Variants in CMYA5 observed in about 807,000 individuals in gnomAD.
The protein encoded by CMYA5 is cardiomyopathy associated 5.
CMYA5 carries 246 observed loss-of-function variants against 318.9 expected under a neutral mutation model. The observed-to-expected ratio is 0.77, with a 90% CI of 0.70 to 0.86. CMYA5 has a LOEUF of 0.86. Ranked by LOEUF, CMYA5 falls within the 40% of genes least tolerant of loss-of-function variation. The pLI, the probability that CMYA5 is intolerant of heterozygous loss-of-function variation, is 0.00. For missense variants in CMYA5, 4,589 were observed against 4,678.2 expected (o/e 0.98, Z 0.56); for synonymous variants, 1,641 against 1,729.5 (o/e 0.95, Z 1.27).
intron 1 of CMYA5, among the ~76,000 whole-genome samples, chr5:79,705,560 T>C (rs1010067896): frequency 2.6e-5 from 4 of 152,118 alleles, no homozygotes; most frequent in African/African-American, 9.7e-5. Context: ...TGAAAGAACT[T>C]TTATTTCCCA....
intron 9 of CMYA5, among the ~76,000 whole-genome samples, chr5:79,776,947 G>A (rs1423019007): frequency 6.6e-6 from 1 of 152,152 alleles, no homozygotes; most frequent in Non-Finnish European, 1.5e-5. Flanking sequence ...GTTGGACATG[G>A]TGGTACAGAG....
intron 2 of CMYA5, among the ~76,000 whole-genome samples, chr5:79,742,051 T>C (rs7733906): frequency 0.084 from 128 of 1,522 alleles, 1 homozygote; most frequent in East Asian, 0.26. Flanking sequence ...CTTTCTCCTC[T>C]TCTTCTTCTT....
Position 79,793,495 on chromosome 5 carries a change from A to G in CMYA5, c.11848A>G (p.Thr3950Ala). 1 of 1,613,930 alleles carries G rather than the reference A, an allele frequency of 6.2e-7. No individual in the cohort carries two copies. Among genetic ancestry groups the G allele is most frequent in the Non-Finnish European group, 8.5e-7 (1 of 1,179,844 alleles). The change falls in exon 12 of 13, where the codon ACA becomes GCA. Residue 3950 changes from threonine to alanine, a missense_variant. Thr to Ala is a moderately conservative substitution (Grantham distance 58). Around this residue, in one of 3 missense-constraint regions of CMYA5, gnomAD observed 2,431 missense variants for 2,495.1 expected, o/e 0.97. Transcript: ENST00000446378. ...CTGTGGCCAGCATTACTGGGAAACC[A>G]CAGTCACAGACTGCCCAGCATATCG... ...PSCGQHYWET[T>A]VTDCPAYRLG...
At chr5:79,790,438 T>G (rs1829155745) in intron 10 of CMYA5, among the ~76,000 whole-genome samples, 1 of 152,010 alleles carries the variant, frequency 6.6e-6, no homozygotes, top group Non-Finnish European at 1.5e-5. Context: ...CCTGGCTAAT[T>G]TTTTGTATTT....
At chr5:79,770,448 A>C (rs768082803) in intron 9 of CMYA5, among the ~76,000 whole-genome samples, 13 of 152,164 alleles carry the variant, frequency 8.5e-5, no homozygotes, top group Admixed American at 1.3e-4. Flanking sequence ...ACCCGAGAGA[A>C]TCTCCTGGTC....
In CMYA5 at chr5:79,753,602, C is replaced by CAAA. The variant is rs200633352; in HGVS notation, c.11110+810_11110+811insAAA. 7.1e-3 allele frequency among the ~76,000 whole-genome samples: 1,080 copies of CAAA among 151,966 alleles called. 12 individuals carry two copies. Among genetic ancestry groups the CAAA allele is most frequent in the African/African-American group, 0.023 (968 of 41,380 alleles). ...CCATGTCTAAAAACAACAACAACAA[C>CAAA]AACAAAAAACCCCAAAAAACAAAAA... On this transcript the variant is annotated intron_variant, in intron 6 of 12. Transcript: ENST00000446378.
In CMYA5 at chr5:79,776,246, G is replaced by A. The variant is rs561937883; in HGVS notation, c.11556-12725G>A. 3.9e-5 allele frequency among the ~76,000 whole-genome samples: 6 copies of A among 152,194 alleles called. No homozygotes were observed. In the East Asian group the frequency reaches 5.8e-4, roughly 15 times the overall value. On this transcript the variant is annotated intron_variant, in intron 9 of 12. Transcript: ENST00000446378. ...CACTATTATGAACTAAGAGTGAGAC[G>A]CTTACCATCGAGTCTCATAATATCA...
chr5:79,691,445 A>G (rs540843591), intron 1 of CMYA5, among the ~76,000 whole-genome samples: 49 of 152,356 alleles, frequency 3.2e-4, no homozygotes, highest in Middle Eastern at 3.4e-3. Context: ...CTGGGGTTGC[A>G]TTGCCATTTG....
intron 1 of CMYA5, among the ~76,000 whole-genome samples, chr5:79,707,464 A>G (rs749539656): frequency 9.2e-5 from 14 of 152,218 alleles, no homozygotes; most frequent in Non-Finnish European, 1.3e-4. Flanking sequence ...ATTAGAAGAC[A>G]TATTAATTTT....
intron 4 of CMYA5, among the ~76,000 whole-genome samples, chr5:79,746,376 G>A (rs1246682977): frequency 6.6e-6 from 1 of 152,080 alleles, no homozygotes; most frequent in Non-Finnish European, 1.5e-5. Flanking sequence ...TTCTCAAAGA[G>A]AACTAAACTC....
chr5:79,799,871 A>ACGGCAACCAC lies in CMYA5; in HGVS notation c.*255_*256insCGGCAACCAC. 1.6e-5 allele frequency: 3 copies of ACGGCAACCAC among 186,866 alleles called. No homozygotes were observed. The highest frequency in any genetic ancestry group is 3.1e-5 in the Non-Finnish European group (3 of 96,370). The allele number at this position is 186,866 out of a possible 1,614,324, so 11.6% of individuals were successfully genotyped here. A position where few individuals can be genotyped will look rare whatever the true frequency, so the allele number is the denominator to read the frequency against. ...ATAAGTTTGAGTTCTTTCCTAAATT[A>ACGGCAACCAC]AAAGATCTACACTTGAGTTGGGAAC... On this transcript the variant is annotated 3_prime_UTR_variant, in exon 13 of 13. Transcript: ENST00000446378.
rs1284016534 is a variant in CMYA5 at position 79,739,335 on chromosome 5, G to A, written c.10570G>A (p.Asp3524Asn). 2 of 1,577,060 alleles carry A rather than the reference G, an allele frequency of 1.3e-6. No homozygotes were observed. Among genetic ancestry groups the A allele is most frequent in the African/African-American group, 2.7e-5 (2 of 74,066 alleles). ...CTGCAAATGTCCAATTTCTGCCACT[G>A]ACAAGGTGTTTGGCACCCACAAAGA... ...YTCKCPISAT[D>N]KVFGTHKDHE... Residue 3524 changes from aspartate (D) to asparagine (N), a missense_variant, in exon 2 of 13, where the codon GAC becomes AAC. By Grantham distance (23) the Asp-to-Asn change is conservative. Coordinates refer to ENST00000446378, the MANE Select transcript of CMYA5 (RefSeq NM_153610.5).
At chr5:79,773,447 G>T (rs1190196261) in intron 9 of CMYA5, among the ~76,000 whole-genome samples, 1 of 152,136 alleles carries the variant, frequency 6.6e-6, no homozygotes, top group African/African-American at 2.4e-5. Context: ...TAACTCATAG[G>T]GAAGGACTTT....
chr5:79,693,217 A>G (rs1447384765), intron 1 of CMYA5, among the ~76,000 whole-genome samples: 1 of 152,212 alleles, frequency 6.6e-6, no homozygotes, highest in Non-Finnish European at 1.5e-5. Flanking sequence ...CTTTTGTGAA[A>G]GGCAGATTAT....
At chr5:79,693,336 A>ATTTTTTTTTTTTTTTTTTTT (rs11319092) in intron 1 of CMYA5, among the ~76,000 whole-genome samples, 2 of 135,634 alleles carry the variant, frequency 1.5e-5, no homozygotes. Context: ...AAGTCACACA[A>ATTTTTTTTTTTTTTTTTTTT]TTTTTTTTTT....
rs140535919 is a variant in CMYA5 at position 79,729,091 on chromosome 5, G to A, written c.326G>A (p.Arg109Gln). 519 of 1,613,742 alleles carry A rather than the reference G, an allele frequency of 3.2e-4. 1 individual carries two copies. The highest frequency in any genetic ancestry group is 4.1e-4 in the Non-Finnish European group (481 of 1,179,826). The change falls in exon 2 of 13, where the codon CGG becomes CAG. Residue 109 changes from arginine (R) to glutamine (Q), a missense_variant. Arg to Gln is a conservative substitution (Grantham distance 43). Around this residue, in one of 3 missense-constraint regions of CMYA5, gnomAD observed 2,132 missense variants for 2,131.3 expected, o/e 1.00. Transcript: ENST00000446378. Reference sequence around the variant, plus strand: ...AGTCAGACTTCTGGTGTGTGTAGTCGGGAAGGGTCAACTGTGAATTCTCCT... The same window carrying A: ...AGTCAGACTTCTGGTGTGTGTAGTCAGGAAGGGTCAACTGTGAATTCTCCT... ...EESQTSGVCSREGSTVNSPPG... is the reference protein window; with the variant it reads ...EESQTSGVCSQEGSTVNSPPG...
At chr5:79,759,936 CAAGT>C (rs1448209459) in intron 7 of CMYA5, among the ~76,000 whole-genome samples, 1 of 152,156 alleles carries the variant, frequency 6.6e-6, no homozygotes. Context: ...ACAGCACAAC[CAAGT>C]AAGTGTTACT....
chr5:79,745,339 A>G lies in CMYA5; in HGVS notation c.10852A>G (p.Met3618Val). Residue 3618 changes from methionine to valine, a missense_variant, in exon 4 of 13, where the codon ATG becomes GTG. Transcript: ENST00000446378. ...CTTTGAGGAAGTGAAGAAGAAGAAG[A>G]TGGAGTTCCTGCATGAGCAGATGGT... ...QSFEEVKKKK[M>V]EFLHEQMVHF... is the part of the protein sequence containing the mutation. 3 of 1,613,844 alleles carry G rather than the reference A, an allele frequency of 1.9e-6. No individual in the cohort carries two copies. The highest frequency in any genetic ancestry group is 1.7e-6 in the Non-Finnish European group (2 of 1,179,762).
chr5:79,713,886 A>G (rs540178916), intron 1 of CMYA5, among the ~76,000 whole-genome samples: 3 of 152,248 alleles, frequency 2.0e-5, no homozygotes, highest in East Asian at 1.9e-4. Context: ...CTACCTTCAC[A>G]TGGATCGCAT....
Sources: gnomAD v4.1 joint callset for allele counts (sites outside exome capture counted in the v4.1 genomes callset) on GRCh38, gnomAD v4.1.1 for gene constraint, gnomAD v4.1.1 regional missense constraint, MANE v1.5 for transcripts, NCBI Gene and HGNC (gene_info 2026-07-23, HGNC 2026-07-21) for gene names.